POF1B: variants seen among roughly 807,000 people sequenced by gnomAD.
POF1B encodes the protein POF1B actin binding protein.
POF1B carries 53 observed loss-of-function variants against 55.3 expected under a neutral mutation model. The ratio of observed to expected loss-of-function variants is 0.96; its 90% CI spans 0.77 to 1.20. The LOEUF (loss-of-function observed/expected upper bound fraction) is 1.20. POF1B is among the 50% of genes most tolerant of loss of function. The probability of loss-of-function intolerance (pLI) is 0.00; values close to 1 mark genes in which losing one functional copy is unlikely to be tolerated. For synonymous variants in POF1B, 188 were observed against 148.3 expected (o/e 1.27, Z -1.95); for missense variants, 478 against 420.5 (o/e 1.14, Z -1.20).
intron 15 of POF1B, among the ~76,000 whole-genome samples, chrX:85,299,319 C>G (rs1468927654): frequency 1.0e-5 from 1 of 97,744 alleles, no homozygotes; most frequent in Non-Finnish European, 2.0e-5. Flanking sequence ...GACGGAGTCT[C>G]GCTCTGTCGC....
At chrX:85,371,033 G>A (rs1933811094) in intron 2 of POF1B, among the ~76,000 whole-genome samples, 1 of 111,509 alleles carries the variant, frequency 9.0e-6, no homozygotes, top group African/African-American at 3.3e-5. Context: ...GGCGATAATG[G>A]GGTGGTGGTG....
intron 15 of POF1B, among the ~76,000 whole-genome samples, chrX:85,289,557 A>C (rs1473295884): frequency 2.7e-5 from 3 of 111,744 alleles, no homozygotes; most frequent in African/African-American, 6.5e-5. Context: ...TAACTGGGTA[A>C]GGTGTCATAA....
At chrX:85,317,181 A>AACATAGGT (rs1324979726) in intron 7 of POF1B, among the ~76,000 whole-genome samples, 1 of 110,288 alleles carries the variant, frequency 9.1e-6, no homozygotes, top group African/African-American at 3.3e-5. Context: ...TGCTGCAATG[A>AACATAGGT]ACATAGGTGT....
intron 8 of POF1B, among the ~76,000 whole-genome samples, chrX:85,314,882 C>A (rs1189737850): frequency 1.8e-5 from 2 of 111,371 alleles, no homozygotes; most frequent in East Asian, 5.6e-4. Context: ...ACAGATATGA[C>A]ATTCTAGAAG....
chrX:85,378,503 G>A (rs903848443), intron 2 of POF1B, among the ~76,000 whole-genome samples: 2 of 111,791 alleles, frequency 1.8e-5, no homozygotes, highest in Non-Finnish European at 3.8e-5. Flanking sequence ...TTTATGGGAT[G>A]TCTTAGAGTT....
chrX:85,371,105 C>G (rs1469044110), intron 2 of POF1B, among the ~76,000 whole-genome samples: 2 of 111,169 alleles, frequency 1.8e-5, no homozygotes, highest in Non-Finnish European at 3.8e-5. Flanking sequence ...ATTTTATTCC[C>G]ATTTATACTA....
chrX:85,308,052 T>G (rs1932615100), intron 10 of POF1B, 72 bp downstream of exon 10: 1 of 603,377 alleles, frequency 1.7e-6, no homozygotes, highest in Admixed American at 3.2e-5. Flanking sequence ...AAACATATAC[T>G]GGACATCTTT....
At chrX:85,333,410 A>T (rs764594992) in intron 6 of POF1B, among the ~76,000 whole-genome samples, 125 of 111,693 alleles carry the variant, frequency 1.1e-3, no homozygotes, top group African/African-American at 3.8e-3. Flanking sequence ...ATAAACAAGA[A>T]TGAGTCATAC....
intron 15 of POF1B, among the ~76,000 whole-genome samples, chrX:85,290,366 C>T (rs779755741): frequency 9.0e-6 from 1 of 111,136 alleles, no homozygotes. Flanking sequence ...TTGATGGGCA[C>T]GTGGGTTGAT....
At chrX:85,323,530 G>A (rs1339391711) in intron 7 of POF1B, among the ~76,000 whole-genome samples, 1 of 107,997 alleles carries the variant, frequency 9.3e-6, no homozygotes, top group Admixed American at 9.9e-5. Flanking sequence ...CACCAGCATG[G>A]CACATGTATA....
At chrX:85,320,177 C>T (rs938633774) in intron 7 of POF1B, among the ~76,000 whole-genome samples, 1 of 110,917 alleles carries the variant, frequency 9.0e-6, no homozygotes, top group African/African-American at 3.3e-5. Flanking sequence ...GTAATAGTCT[C>T]TGAGGGATTT....
chrX:85,330,852 G>A, intron 7 of POF1B, 97 bp downstream of exon 7: 2 of 836,114 alleles, frequency 2.4e-6, no homozygotes, highest in Non-Finnish European at 3.2e-6. Context: ...TAGAGTTTTT[G>A]CTGTGAACCT....
chrX:85,283,689 A>G (rs907586647), intron 15 of POF1B, among the ~76,000 whole-genome samples: 1 of 110,374 alleles, frequency 9.1e-6, no homozygotes, highest in Admixed American at 9.7e-5. Flanking sequence ...AAACACACGT[A>G]TCCAAGAAGC....
intron 15 of POF1B, among the ~76,000 whole-genome samples, chrX:85,299,743 C>G (rs992548341): frequency 4.5e-5 from 5 of 110,198 alleles, no homozygotes; most frequent in Admixed American, 2.9e-4. Flanking sequence ...CTCCTGACCT[C>G]GTGATCCATC....
At chrX:85,370,024 A>G (rs1933791987) in intron 2 of POF1B, among the ~76,000 whole-genome samples, 1 of 112,136 alleles carries the variant, frequency 8.9e-6, no homozygotes, top group South Asian at 3.7e-4. Context: ...TGATGGCATT[A>G]GCAAATGAAA....
At chrX:85,361,219 CTTTAG>C (rs1445251873) in intron 3 of POF1B, among the ~76,000 whole-genome samples, 1 of 111,781 alleles carries the variant, frequency 8.9e-6, no homozygotes, top group Non-Finnish European at 1.9e-5. Flanking sequence ...TGCAGAAGCT[CTTTAG>C]TTAAGTTAGA....
At chrX:85,347,400 T>C (rs181901285) in intron 5 of POF1B, among the ~76,000 whole-genome samples, 1 of 111,333 alleles carries the variant, frequency 9.0e-6, no homozygotes, top group Non-Finnish European at 1.9e-5. Flanking sequence ...AATGAAATAG[T>C]ATACTCTTTC....
At chrX:85,367,856 TAGTC>T (rs1025089186) in intron 2 of POF1B, 90 bp from the exon 3 acceptor site, 1 of 555,478 alleles carries the variant, frequency 1.8e-6, no homozygotes, top group African/African-American at 2.5e-5. Flanking sequence ...ATAATGTGGT[TAGTC>T]AGAAATAAGA....
intron 7 of POF1B, among the ~76,000 whole-genome samples, chrX:85,330,234 C>A (rs1793277199): frequency 9.1e-6 from 1 of 109,375 alleles, no homozygotes; most frequent in South Asian, 3.8e-4. Context: ...TAATGAATAT[C>A]TATTTAAATC....
Sources: allele counts gnomAD v4.1 joint callset (sites outside exome capture counted in the v4.1 genomes callset), GRCh38; gene constraint gnomAD v4.1.1; transcripts MANE v1.5; gene names NCBI Gene and HGNC (gene_info 2026-07-23, HGNC 2026-07-21).